The following PIK3R6 variants were observed in gnomAD, a reference collection of about 807,000 sequenced individuals.
PIK3R6 encodes phosphoinositide-3-kinase regulatory subunit 6.
Under a neutral mutation model 84.9 loss-of-function variants are expected in PIK3R6, and 91 were observed. The ratio of observed to expected loss-of-function variants is 1.07; its 90% CI spans 0.90 to 1.28. The LOEUF is 1.28. Ranked by LOEUF, PIK3R6 falls within the 50% of genes most tolerant of loss-of-function variation. PIK3R6 has a pLI of 0.00. For synonymous variants in PIK3R6, 416 were observed against 411.4 expected (o/e 1.01, Z -0.13); for missense variants, 996 against 985.1 (o/e 1.01, Z -0.15).
rs1272398071 is a variant in PIK3R6, at chr17:8,836,577, A to G, written c.431T>C (p.Leu144Ser). The part of the protein sequence containing the change: ...YQRMVIAEQN[L>S]TNELYPYQER... ...CTGGTAGGGATACAGCTCATTCGTC[A>G]AGTTCTGTTCGGCAATGACCATCCT... Residue 144 changes from leucine (L) to serine (S), a missense_variant, in exon 7 of 20, where the codon TTG (leucine) becomes TCG (serine). Physicochemically the swap from Leu to Ser is moderately radical, Grantham distance 145 (BLOSUM62 -2). Transcript: ENST00000619866. 4 of 1,613,922 alleles carry G rather than the reference A, an allele frequency of 2.5e-6. No individual in the cohort carries two copies. The highest frequency in any genetic ancestry group is 3.4e-6 in the Non-Finnish European group (4 of 1,179,872).
At chr17:8,858,580 G>A (rs2089199721) in intron 1 of PIK3R6, among the ~76,000 whole-genome samples, 1 of 152,152 alleles carries the variant, frequency 6.6e-6, no homozygotes, top group African/African-American at 2.4e-5. Context: ...GCCTCCCAGA[G>A]TGCTGGGATT....
chr17:8,837,835 A>G lies in PIK3R6; in HGVS notation c.226T>C (p.Leu76=). The change falls in exon 5 of 20, where the codon TTG becomes CTG. Residue 76 remains leucine, a synonymous_variant. Coordinates refer to ENST00000619866, the MANE Select transcript of PIK3R6 (RefSeq NM_001010855.4). The stretch of plus-strand genomic sequence containing the variant: ...AGCACGTACATTACAGTGTGCAGCA[A>G]GGGAATGATGACATGCCGGAGGTCC... The part of the protein sequence containing the change: ...SQDLRHVIIP[L]LHTVMYVLTK... 1 of 1,613,968 alleles carries G rather than the reference A, an allele frequency of 6.2e-7. No individual in the cohort carries two copies. The highest frequency in any genetic ancestry group is 8.5e-7 in the Non-Finnish European group (1 of 1,179,850).
In PIK3R6 at chr17:8,842,866, A is replaced by G. The variant is rs2088720815; in HGVS notation, c.14-3169T>C. Among the ~76,000 whole-genome samples, 1 of 152,198 alleles carries G rather than the reference A, an allele frequency of 6.6e-6. No homozygotes were observed. The highest frequency in any genetic ancestry group is 2.1e-4 in the South Asian group (1 of 4,832). The stretch of plus-strand genomic sequence containing the variant: ...AATTGCTTCAGATTCCTTTGGAAGT[A>G]AGTAGAATAGAGATAACAAATTTAA... On this transcript the variant is annotated intron_variant, in intron 2 of 19. Transcript: ENST00000619866. This position sits in a 1 kb window ranked among gnomAD's most constrained non-coding sequence, Gnocchi z 4.5.
At position 8,803,499 on chromosome 17, in the gene PIK3R6, CAGAGCTGTTATTGTAGGGCCT is replaced by C. The variant is rs375107729; in HGVS notation, c.2109-91_2109-71del. ...CAGATTGCCTAGGGCATTTGAAAGG[CAGAGCTGTTATTGTAGGGCCT>C]AGAGCTGTTATTGTAGGGCATAGAG... On this transcript the variant is annotated intron_variant, in intron 19 of 19. Coordinates refer to ENST00000619866, the MANE Select transcript of PIK3R6 (RefSeq NM_001010855.4). This position sits in a 1 kb window ranked among gnomAD's most constrained non-coding sequence, Gnocchi z 5.0. The C allele has an allele frequency of 9.8e-4, 1,432 of 1,462,586 alleles. 13 individuals are homozygous for C. In the African/African-American group the frequency reaches 0.018, roughly 18 times the overall value. The allele number at this position is 1,462,586 out of a possible 1,614,324, so 90.6% of individuals were successfully genotyped here.
intron 1 of PIK3R6, among the ~76,000 whole-genome samples, chr17:8,860,171 G>A (rs2151316863): frequency 6.6e-6 from 1 of 152,294 alleles, no homozygotes; most frequent in Non-Finnish European, 1.5e-5. Flanking sequence ...TGGCCCAAGG[G>A]TCCCCAAACC....
intron 9 of PIK3R6, among the ~76,000 whole-genome samples, chr17:8,832,268 A>G (rs2088265880): frequency 1.3e-5 from 2 of 152,072 alleles, no homozygotes; most frequent in South Asian, 4.1e-4. Context: ...GATTTAATAC[A>G]GTATACGCAA....
chr17:8,827,149 C>T, intron 13 of PIK3R6, 23 bp downstream of exon 13: 1 of 1,611,072 alleles, frequency 6.2e-7, no homozygotes, highest in African/African-American at 1.3e-5. Context: ...CTCTCCCTCC[C>T]TGGTACCCTC....
At chr17:8,811,757 T>C (rs1282294454) in intron 18 of PIK3R6, among the ~76,000 whole-genome samples, 3 of 148,364 alleles carry the variant, frequency 2.0e-5, no homozygotes, top group Non-Finnish European at 1.5e-5. Flanking sequence ...CATATCGCTA[T>C]CAACATTTTG....
chr17:8,829,212 CAG>C (rs1336433490), intron 10 of PIK3R6, among the ~76,000 whole-genome samples: 3 of 126,728 alleles, frequency 2.4e-5, no homozygotes, highest in Non-Finnish European at 5.1e-5. Context: ...TGCACACACA[CAG>C]ACACACACAC....
At position 8,838,608 on chromosome 17, in the gene PIK3R6, T is replaced by C. The variant is rs1185512062; in HGVS notation, c.145A>G (p.Lys49Glu). Reference protein sequence around the residue: ...LHKKVERDPGKSPVLVRILLR... With the variant: ...LHKKVERDPGESPVLVRILLR... Reference sequence around the variant, plus strand: ...AGAATGCGGACCAGCACTGGGCTCTTACCGGGATCTCGCTCGACCTTCTTG... The same window carrying C: ...AGAATGCGGACCAGCACTGGGCTCTCACCGGGATCTCGCTCGACCTTCTTG... Residue 49 changes from lysine (K) to glutamate (E), a missense_variant, in exon 4 of 20, where the codon AAG becomes GAG. Lys to Glu is a moderately conservative substitution (Grantham distance 56, BLOSUM62 1). Coordinates refer to ENST00000619866, the MANE Select transcript of PIK3R6 (RefSeq NM_001010855.4). 6.2e-7 allele frequency: 1 copy of C among 1,607,648 alleles called. No homozygotes were observed. The highest frequency in any genetic ancestry group is 8.5e-7 in the Non-Finnish European group (1 of 1,177,064).
chr17:8,829,567 TAC>T lies in PIK3R6; in HGVS notation c.889+137_889+138del, dbSNP rs748428031. The stretch of plus-strand genomic sequence containing the variant: ...ACACAGACACACACTCATGCACACA[TAC>T]ACACACAGACACACTGACACACACT... On this transcript the variant is annotated intron_variant, in intron 10 of 19. Coordinates refer to ENST00000619866, the MANE Select transcript of PIK3R6 (RefSeq NM_001010855.4). 2,820 of 795,352 alleles carry T rather than the reference TAC, an allele frequency of 3.5e-3. 30 individuals are homozygous for T. Among genetic ancestry groups the T allele is most frequent in the African/African-American group, 0.022 (809 of 37,534 alleles). 49.3% of individuals were successfully genotyped at this position (795,352 alleles called of 1,614,324 possible).
rs1407515471 is a variant in PIK3R6 at position 8,844,040 on chromosome 17, G to A, written c.14-4343C>T. On this transcript the variant is annotated intron_variant, in intron 2 of 19. Coordinates refer to ENST00000619866, the MANE Select transcript of PIK3R6 (RefSeq NM_001010855.4). This position sits in a 1 kb window ranked among gnomAD's most constrained non-coding sequence, Gnocchi z 4.5. ...GACTGTGAACGCACAAGGGATATAG[G>A]GTTCCAGGGAATGAGGAAAATCAGA... 1.3e-5 allele frequency among the ~76,000 whole-genome samples: 2 copies of A among 152,158 alleles called. No individual in the cohort carries two copies. The highest frequency in any genetic ancestry group is 2.9e-5 in the Non-Finnish European group (2 of 68,024).
At chr17:8,831,192 T>G (rs1396008333) in intron 9 of PIK3R6, among the ~76,000 whole-genome samples, 2 of 126,208 alleles carry the variant, frequency 1.6e-5, no homozygotes, top group African/African-American at 6.1e-5. Flanking sequence ...TAGCCAGGTG[T>G]GGTGGCACGT....
chr17:8,854,105 G>A (rs1295729237), intron 1 of PIK3R6, among the ~76,000 whole-genome samples: 1 of 151,958 alleles, frequency 6.6e-6, no homozygotes, highest in Non-Finnish European at 1.5e-5. Context: ...AATTGGATTA[G>A]CCAAACAGTT....
chr17:8,833,052 G>A lies in PIK3R6; in HGVS notation c.646-7C>T, dbSNP rs1203244445. 2 of 1,572,078 alleles carry A rather than the reference G, an allele frequency of 1.3e-6. No individual in the cohort carries two copies. The highest frequency in any genetic ancestry group is 1.7e-6 in the Non-Finnish European group (2 of 1,162,330). ...GGGTGCGGCGAGGGCTGGCCTGTTG[G>A]GGAGGGGCGTCAGAGCCTGGGTCTT... On this transcript the variant is annotated splice_region_variant and splice_polypyrimidine_tract_variant and intron_variant, in intron 8 of 19. Coordinates refer to ENST00000619866, the MANE Select transcript of PIK3R6 (RefSeq NM_001010855.4).
At chr17:8,827,936 A>C (rs919593705) in intron 12 of PIK3R6, among the ~76,000 whole-genome samples, 176 bp downstream of exon 12, 2 of 152,158 alleles carry the variant, frequency 1.3e-5, no homozygotes. Flanking sequence ...CAACCCCCAG[A>C]GCACCGTCTG....
At position 8,803,932 on chromosome 17, in the gene PIK3R6, A is replaced by G. The variant is rs1200485184; in HGVS notation, c.2108+109T>C. On this transcript the variant is annotated intron_variant, in intron 19 of 19. Coordinates refer to ENST00000619866, the MANE Select transcript of PIK3R6 (RefSeq NM_001010855.4). This position sits in a 1 kb window ranked among gnomAD's most constrained non-coding sequence, Gnocchi z 5.0. ...GGTTACCTGCCTGGCCACAGGATCT[A>G]CCTCCGATGAGGTGCCTTGAGCTAG... 4 of 932,766 alleles carry G rather than the reference A, an allele frequency of 4.3e-6. No homozygotes were observed. In the African/African-American group the frequency reaches 6.5e-5, roughly 15 times the overall value. 57.8% of individuals were successfully genotyped at this position (932,766 alleles called of 1,614,324 possible). A position where few individuals can be genotyped will look rare whatever the true frequency, so the allele number is the denominator to read the frequency against.
chr17:8,818,548 C>G (rs1192711153), intron 18 of PIK3R6, among the ~76,000 whole-genome samples: 1 of 152,098 alleles, frequency 6.6e-6, no homozygotes, highest in Non-Finnish European at 1.5e-5. Flanking sequence ...ACTGGAGAGG[C>G]TGAGGCAGGA....
chr17:8,814,942 C>A (rs1022389076), intron 18 of PIK3R6, among the ~76,000 whole-genome samples: 2 of 151,948 alleles, frequency 1.3e-5, no homozygotes, highest in African/African-American at 4.8e-5. Flanking sequence ...AAAAAAAAGT[C>A]TCATACAAAG....
Sources: gnomAD v4.1 joint callset for allele counts (sites outside exome capture counted in the v4.1 genomes callset) on GRCh38, gnomAD v4.1.1 for gene constraint, Gnocchi (gnomAD v3.1) non-coding constraint, MANE v1.5 for transcripts, NCBI Gene and HGNC (gene_info 2026-07-23, HGNC 2026-07-21) for gene names.